Variants in MORN2 observed in about 807,000 individuals in gnomAD.
MORN2 encodes the protein MORN repeat-containing protein 2.
A neutral mutation model predicts 13.4 loss-of-function variants in MORN2; 15 were observed. The ratio of observed to expected loss-of-function variants is 1.12; its 90% CI spans 0.75 to 1.72. The LOEUF (loss-of-function observed/expected upper bound fraction) is 1.72, where lower values mean the gene tolerates loss of function less well. Among genes scored for constraint, MORN2 ranks in the 40% most tolerant of loss-of-function variants. MORN2 has a pLI of 0.00. For synonymous variants in MORN2, 46 were observed against 43.6 expected, an observed-to-expected ratio of 1.06 and a Z score of -0.22; for missense variants, 168 against 134.6, an observed-to-expected ratio of 1.25 and a Z score of -1.23.
At chr2:38,878,080 G>C (rs1396338130) in intron 1 of MORN2, among the ~76,000 whole-genome samples, 2 of 152,200 alleles carry the variant, frequency 1.3e-5, no homozygotes, top group African/African-American at 4.8e-5. Flanking sequence ...CCAGGCATGA[G>C]CCAGTAATTC....
Position 38,880,726 on chromosome 2 carries a change from T to C in MORN2, c.216+20T>C, listed in dbSNP as rs1282823414. 1 of 1,549,622 alleles carries C rather than the reference T, an allele frequency of 6.5e-7. No individual in the cohort carries two copies. On this transcript the variant is annotated intron_variant, in intron 3 of 4. Coordinates refer to ENST00000644631, the MANE Select transcript of MORN2 (RefSeq NM_001145450.3). The stretch of plus-strand genomic sequence containing the variant: ...GACAAGGTATTATTGTTGTTTTTAA[T>C]ATTGGCAGTGGATAAATAACCCTGT...
chr2:38,878,901 A>G (rs2124966883), intron 1 of MORN2, among the ~76,000 whole-genome samples: 1 of 152,308 alleles, frequency 6.6e-6, no homozygotes, highest in African/African-American at 2.4e-5. Flanking sequence ...AGACTGATTC[A>G]GTAGATGTGG....
At position 38,875,987 on chromosome 2, in the gene MORN2, G is replaced by T; in HGVS notation, c.-66G>T. The stretch of plus-strand genomic sequence containing the variant: ...ATTCGCTTCCGGGTGAGAGGTGCCC[G>T]GTCGCCCCAGCAACCAAGTCGCACC... On this transcript the variant is annotated 5_prime_UTR_variant, in exon 1 of 5. Transcript: ENST00000644631. The T allele has an allele frequency of 2.5e-6, 1 of 398,640 alleles. No homozygotes were observed. Among genetic ancestry groups the T allele is most frequent in the East Asian group, 3.6e-5 (1 of 28,074 alleles). 24.7% of individuals were successfully genotyped at this position (398,640 alleles called of 1,614,324 possible). A position where few individuals can be genotyped will look rare whatever the true frequency, so the allele number is the denominator to read the frequency against.
rs1665804545 is a variant in MORN2 at position 38,882,655 on chromosome 2, T to C, written c.*140T>C. On this transcript the variant is annotated 3_prime_UTR_variant, in exon 5 of 5. Transcript: ENST00000644631. ...AAAACCATCACCTGCTTACACCTTT[T>C]TGAACTTTATATTCATTGTCTTACA... 1 of 524,748 alleles carries C rather than the reference T, an allele frequency of 1.9e-6. No homozygotes were observed. Among genetic ancestry groups the C allele is most frequent in the Non-Finnish European group, 3.4e-6 (1 of 295,550 alleles). 32.5% of individuals were successfully genotyped at this position (524,748 alleles called of 1,614,324 possible). A position where few individuals can be genotyped will look rare whatever the true frequency, so the allele number is the denominator to read the frequency against.
At chr2:38,879,514 A>G in intron 1 of MORN2, among the ~76,000 whole-genome samples, 1 of 152,186 alleles carries the variant, frequency 6.6e-6, no homozygotes, top group East Asian at 1.9e-4. Context: ...GGAAACATTA[A>G]GTGAAACGAG....
At position 38,882,555 on chromosome 2, in the gene MORN2, C is replaced by CTTTTAG; in HGVS notation, c.*43_*48dup. On this transcript the variant is annotated 3_prime_UTR_variant, in exon 5 of 5. Transcript: ENST00000644631. Reference sequence around the variant, plus strand: ...TAAAGTTGAAATGTAGTAATTGAAGCTTTTAGTTGTAAGGAAAGCAACTTA... The same window carrying CTTTTAG: ...TAAAGTTGAAATGTAGTAATTGAAGCTTTTAGTTTTAGTTGTAAGGAAAGCAACTTA... 1 of 1,424,844 alleles carries CTTTTAG rather than the reference C, an allele frequency of 7.0e-7. No homozygotes were observed. The highest frequency in any genetic ancestry group is 1.8e-4 in the Middle Eastern group (1 of 5,688). 88.3% of individuals were successfully genotyped at this position (1,424,844 alleles called of 1,614,324 possible). A position where few individuals can be genotyped will look rare whatever the true frequency, so the allele number is the denominator to read the frequency against.
At chr2:38,877,667 G>C (rs1306580581) in intron 1 of MORN2, among the ~76,000 whole-genome samples, 1 of 152,022 alleles carries the variant, frequency 6.6e-6, no homozygotes, top group Non-Finnish European at 1.5e-5. Flanking sequence ...TTTTGGTGTA[G>C]ATGGAATCTC....
At chr2:38,878,628 G>C (rs1665706909) in intron 1 of MORN2, among the ~76,000 whole-genome samples, 1 of 151,838 alleles carries the variant, frequency 6.6e-6, no homozygotes, top group Non-Finnish European at 1.5e-5. Flanking sequence ...GTTTTCAATT[G>C]TATCTATTCT....
At chr2:38,876,384 G>C (rs1665622374) in intron 1 of MORN2, among the ~76,000 whole-genome samples, 1 of 152,216 alleles carries the variant, frequency 6.6e-6, no homozygotes, top group Non-Finnish European at 1.5e-5. Flanking sequence ...GTTCCCTCTA[G>C]CTCTGACGTT....
Position 38,876,058 on chromosome 2 carries a change from C to A in MORN2, c.6C>A (p.Ala2=). ...GTTCTCTCCCGGCCGCAGAGCTGGC[C>A]GCCCAGGGGGAGTCGCAGAGTTTGG... The change falls in exon 1 of 5, where the codon GCC becomes GCA. Residue 2 remains alanine (A), a synonymous_variant. Transcript: ENST00000644631. 1 of 398,734 alleles carries A rather than the reference C, an allele frequency of 2.5e-6. No individual in the cohort carries two copies. Among genetic ancestry groups the A allele is most frequent in the Non-Finnish European group, 4.4e-6 (1 of 226,170 alleles). 24.7% of individuals were successfully genotyped at this position (398,734 alleles called of 1,614,324 possible). A position where few individuals can be genotyped will look rare whatever the true frequency, so the allele number is the denominator to read the frequency against.
intron 3 of MORN2, 94 bp downstream of exon 3, chr2:38,880,800 T>C: frequency 3.1e-6 from 4 of 1,308,028 alleles, no homozygotes; most frequent in Non-Finnish European, 4.2e-6. Flanking sequence ...ACTCCTATAA[T>C]GAGTAGACTA....
Position 38,879,332 on chromosome 2 carries a change from G to A in MORN2, c.59-847G>A, listed in dbSNP as rs1201291771. Among the ~76,000 whole-genome samples, 5 of 152,146 alleles carry A rather than the reference G, an allele frequency of 3.3e-5. No individual in the cohort carries two copies. The East Asian group carries it at 9.6e-4, about 29-fold the overall frequency. On this transcript the variant is annotated intron_variant, in intron 1 of 4. Coordinates refer to ENST00000644631, the MANE Select transcript of MORN2 (RefSeq NM_001145450.3). ...CTGTATGTTTTGAAAATGTACATCA[G>A]TGTTTATAGCAGTATTATTCATAAT...
chr2:38,881,408 T>G, intron 3 of MORN2, 34 bp from the exon 4 acceptor site: 1 of 1,509,646 alleles, frequency 6.6e-7, no homozygotes. Flanking sequence ...AACTGAAGAT[T>G]AGTTTCTAAG....
At chr2:38,879,277 T>C (rs1383327536) in intron 1 of MORN2, among the ~76,000 whole-genome samples, 1 of 152,180 alleles carries the variant, frequency 6.6e-6, no homozygotes, top group African/African-American at 2.4e-5. Flanking sequence ...CAAAAATCTG[T>C]ACACCAATTT....
At chr2:38,881,662 A>G (rs1665780675) in intron 4 of MORN2, 84 bp downstream of exon 4, 2 of 1,110,354 alleles carry the variant, frequency 1.8e-6, no homozygotes. Context: ...TTATTTATTT[A>G]TTTATTGAGA....
intron 4 of MORN2, 60 bp from the exon 5 acceptor site, chr2:38,882,353 A>G: frequency 9.3e-7 from 1 of 1,078,904 alleles, no homozygotes; most frequent in Non-Finnish European, 1.4e-6. Context: ...AGAAAATCTT[A>G]TATCTGGACT....
At chr2:38,879,871 G>A (rs1665736824) in intron 1 of MORN2, among the ~76,000 whole-genome samples, 1 of 152,170 alleles carries the variant, frequency 6.6e-6, no homozygotes. Flanking sequence ...AGGCAAAATT[G>A]TTTATTTCCC....
rs1259678428 is a variant in MORN2 at position 38,876,068 on chromosome 2, G to A, written c.16G>A (p.Glu6Lys). 1.5e-5 allele frequency: 6 copies of A among 398,656 alleles called. No homozygotes were observed. Among genetic ancestry groups the A allele is most frequent in the Non-Finnish European group, 2.2e-5 (5 of 226,186 alleles). The allele number at this position is 398,656 out of a possible 1,614,324, so 24.7% of individuals were successfully genotyped here. Residue 6 changes from glutamate (E) to lysine (K), a missense_variant, in exon 1 of 5, where the codon GAG (glutamate) becomes AAG (lysine). Coordinates refer to ENST00000644631, the MANE Select transcript of MORN2 (RefSeq NM_001145450.3). ...GGCCGCAGAGCTGGCCGCCCAGGGG[G>A]AGTCGCAGAGTTTGGAAGATCTCTC...
intron 3 of MORN2, 52 bp downstream of exon 3, chr2:38,880,758 A>C: frequency 2.6e-6 from 4 of 1,540,266 alleles, no homozygotes; most frequent in Non-Finnish European, 3.5e-6. Context: ...CTGTAGGTTT[A>C]GTGATTCCAG....
Sources: allele counts gnomAD v4.1 joint callset (sites outside exome capture counted in the v4.1 genomes callset), GRCh38; gene constraint gnomAD v4.1.1; transcripts MANE v1.5; gene names NCBI Gene and HGNC (gene_info 2026-07-23, HGNC 2026-07-21).